The following HACD4 variants were observed in gnomAD, a reference collection of about 807,000 sequenced individuals.
HACD4 encodes very-long-chain (3R)-3-hydroxyacyl-CoA dehydratase 4.
A neutral mutation model predicts 33.3 loss-of-function variants in HACD4; 35 were observed. That is an observed-to-expected ratio of 1.05 (90% CI 0.80 to 1.39). The LOEUF is 1.39. Ranked by LOEUF, HACD4 falls within the 40% of genes most tolerant of loss-of-function variation. The pLI, the probability that HACD4 is intolerant of heterozygous loss-of-function variation, is 0.00. For synonymous variants in HACD4, 118 were observed against 98.0 expected (o/e 1.20, Z -1.21); for missense variants, 323 against 276.5 (o/e 1.17, Z -1.19).
intron 3 of HACD4, among the ~76,000 whole-genome samples, chr9:21,022,908 C>T (rs962517051): frequency 8.6e-5 from 13 of 151,936 alleles, no homozygotes; most frequent in African/African-American, 3.1e-4. Context: ...GCTATAAAGA[C>T]ACATGCACAC....
chr9:21,029,050 C>G (rs1818135929), intron 2 of HACD4, among the ~76,000 whole-genome samples: 1 of 152,144 alleles, frequency 6.6e-6, no homozygotes, highest in Non-Finnish European at 1.5e-5. Context: ...ATGATACCAC[C>G]TCAGTGCCAT....
At chr9:21,014,811 T>C (rs1485409145) in intron 4 of HACD4, among the ~76,000 whole-genome samples, 1 of 152,290 alleles carries the variant, frequency 6.6e-6, no homozygotes, top group East Asian at 1.9e-4. Flanking sequence ...TCTAGAGAGA[T>C]CTTCTACCTC....
chr9:21,023,540 C>T (rs1817982383), intron 3 of HACD4, among the ~76,000 whole-genome samples: 1 of 151,762 alleles, frequency 6.6e-6, no homozygotes, highest in Non-Finnish European at 1.5e-5. Context: ...AGGACCAGTT[C>T]CCCCCAAGAA....
intron 1 of HACD4, among the ~76,000 whole-genome samples, chr9:21,030,468 A>AAAC (rs930915161): frequency 2.6e-5 from 4 of 152,030 alleles, no homozygotes; most frequent in African/African-American, 4.8e-5. Flanking sequence ...ATAAAAAACA[A>AAAC]AACAACAACA....
In HACD4 at chr9:21,000,298, G is replaced by T. The variant is rs1391674274; in HGVS notation, c.*6739C>A. 1.3e-5 allele frequency: 2 copies of T among 152,082 alleles called. No individual in the cohort carries two copies. Among genetic ancestry groups the T allele is most frequent in the Non-Finnish European group, 1.5e-5 (1 of 67,990 alleles). The allele number at this position is 152,082 out of a possible 1,614,324, so 9.4% of individuals were successfully genotyped here. ...AAACATGTTCAGAACTACTATTTAA[G>T]GATTTTTAAAGCCATAAAAAATCAT... On this transcript the variant is annotated 3_prime_UTR_variant, in exon 7 of 7. Transcript: ENST00000495827.
rs892040442 is a variant in HACD4 at position 21,005,101 on chromosome 9, A to C, written c.*1936T>G. 6.6e-6 allele frequency: 1 copy of C among 152,204 alleles called. No individual in the cohort carries two copies. The highest frequency in any genetic ancestry group is 1.5e-5 in the Non-Finnish European group (1 of 68,028). 9.4% of individuals were successfully genotyped at this position (152,204 alleles called of 1,614,324 possible). ...GTTATGGGAAACTGGAAGAAAGGTG[A>C]TCTTTGTTATAATATGCCAAAGAAC... On this transcript the variant is annotated 3_prime_UTR_variant, in exon 7 of 7. Transcript: ENST00000495827. The surrounding 1 kb of genome is among the most constrained non-coding windows in gnomAD (Gnocchi z 4.0).
At chr9:21,029,517 A>T in intron 1 of HACD4, 119 bp from the exon 2 acceptor site, 1 of 574,404 alleles carries the variant, frequency 1.7e-6, no homozygotes, top group Non-Finnish European at 3.0e-6. Flanking sequence ...GTTTCATATC[A>T]GTCTTTTATC....
intron 2 of HACD4, among the ~76,000 whole-genome samples, chr9:21,028,565 T>C (rs1035346673): frequency 7.2e-5 from 11 of 152,216 alleles, no homozygotes; most frequent in Admixed American, 2.6e-4. Context: ...ACAGCATGAC[T>C]TTTCCCAGCT....
rs1412384062 is a variant in HACD4, at chr9:21,001,618, A to G, written c.*5419T>C. ...AAGACAGAAAGAGAATCTTGAAAGT[A>G]GCATGAAAAAATCAATTCATCACAT... On this transcript the variant is annotated 3_prime_UTR_variant, in exon 7 of 7. Transcript: ENST00000495827. 2 of 152,190 alleles carry G rather than the reference A, an allele frequency of 1.3e-5. No individual in the cohort carries two copies. Among genetic ancestry groups the G allele is most frequent in the Admixed American group, 6.5e-5 (1 of 15,272 alleles). The allele number at this position is 152,190 out of a possible 1,614,324, so 9.4% of individuals were successfully genotyped here. A position where few individuals can be genotyped will look rare whatever the true frequency, so the allele number is the denominator to read the frequency against.
chr9:21,020,189 T>G (rs995296726), intron 3 of HACD4, among the ~76,000 whole-genome samples: 1 of 151,732 alleles, frequency 6.6e-6, no homozygotes, highest in African/African-American at 2.4e-5. Flanking sequence ...TTTTAAAAAT[T>G]GAGTAAAAAT....
intron 1 of HACD4, 30 bp from the exon 2 acceptor site, chr9:21,029,428 C>A (rs774195266): frequency 7.6e-7 from 1 of 1,322,996 alleles, no homozygotes; most frequent in Admixed American, 2.0e-5. Context: ...CCATTAAACA[C>A]TTCTTTTATA....
intron 2 of HACD4, among the ~76,000 whole-genome samples, chr9:21,028,872 T>C (rs1564282303): frequency 6.6e-6 from 1 of 152,236 alleles, no homozygotes; most frequent in Non-Finnish European, 1.5e-5. Flanking sequence ...ATAAAATTTG[T>C]ATTTCACTTA....
intron 4 of HACD4, among the ~76,000 whole-genome samples, chr9:21,012,640 A>G (rs975292262): frequency 6.6e-6 from 1 of 152,248 alleles, no homozygotes; most frequent in African/African-American, 2.4e-5. Context: ...AATATATACC[A>G]GCAGTGGAGG....
intron 4 of HACD4, 86 bp downstream of exon 4, chr9:21,015,812 C>T: frequency 1.4e-6 from 1 of 735,558 alleles, no homozygotes; most frequent in Non-Finnish European, 2.4e-6. Context: ...CTCTCTCGTA[C>T]CAAGTAACCT....
At position 21,006,960 on chromosome 9, in the gene HACD4, A is replaced by G. The variant is rs1842284962; in HGVS notation, c.*77T>C. 2 of 858,142 alleles carry G rather than the reference A, an allele frequency of 2.3e-6. No individual in the cohort carries two copies. The highest frequency in any genetic ancestry group is 1.7e-5 in the African/African-American group (1 of 59,946). 53.2% of individuals were successfully genotyped at this position (858,142 alleles called of 1,614,324 possible). A position where few individuals can be genotyped will look rare whatever the true frequency, so the allele number is the denominator to read the frequency against. ...ATCAAATACAAGGTATTTTTCCACC[A>G]GAATACTTCCTGTGTTTTATTTACT... On this transcript the variant is annotated 3_prime_UTR_variant, in exon 7 of 7. Transcript: ENST00000495827. The surrounding 1 kb of genome is among the most constrained non-coding windows in gnomAD (Gnocchi z 4.6).
chr9:21,003,869 G>A lies in HACD4; in HGVS notation c.*3168C>T, dbSNP rs952832255. The A allele has an allele frequency of 6.6e-6, 1 of 151,950 alleles. No homozygotes were observed. Among genetic ancestry groups the A allele is most frequent in the Non-Finnish European group, 1.5e-5 (1 of 67,980 alleles). The allele number at this position is 151,950 out of a possible 1,614,324, so 9.4% of individuals were successfully genotyped here. A position where few individuals can be genotyped will look rare whatever the true frequency, so the allele number is the denominator to read the frequency against. On this transcript the variant is annotated 3_prime_UTR_variant, in exon 7 of 7. Coordinates refer to ENST00000495827, the MANE Select transcript of HACD4 (RefSeq NM_001010915.5). ...ACAATTCAGTAATAATCCAAAACAT[G>A]AATTTTCCTTTTTAAAAAGTACTTA...
At chr9:21,011,737 A>C (rs1030006061) in intron 4 of HACD4, 42 bp from the exon 5 acceptor site, 2 of 1,046,480 alleles carry the variant, frequency 1.9e-6, no homozygotes, top group Admixed American at 2.1e-5. Context: ...TTTTCTGCTA[A>C]TATCTGGGAA....
chr9:21,009,610 G>C (rs980112395), intron 5 of HACD4, among the ~76,000 whole-genome samples: 1 of 152,068 alleles, frequency 6.6e-6, no homozygotes, highest in Admixed American at 6.6e-5. Flanking sequence ...TTTGATATAT[G>C]TGTACAATGT....
chr9:21,026,553 A>T (rs755014238), intron 3 of HACD4, 43 bp downstream of exon 3: 27 of 1,525,714 alleles, frequency 1.8e-5, no homozygotes, highest in Non-Finnish European at 2.2e-5. Context: ...GAAAAAATGT[A>T]AAAATGAAAC....
Sources: allele counts gnomAD v4.1 joint callset (sites outside exome capture counted in the v4.1 genomes callset), GRCh38; gene constraint gnomAD v4.1.1; non-coding constraint Gnocchi (gnomAD v3.1); transcripts MANE v1.5; gene names NCBI Gene and HGNC (gene_info 2026-07-23, HGNC 2026-07-21).